Variants in WDR70 observed in about 807,000 individuals in gnomAD.
WDR70 encodes the protein WD repeat-containing protein 70.
WDR70 carries 53 observed loss-of-function variants against 88.6 expected under a neutral mutation model. That is an observed-to-expected ratio of 0.60 (90% CI 0.48 to 0.75). The LOEUF (loss-of-function observed/expected upper bound fraction) is 0.75. Among genes scored for constraint, WDR70 ranks in the 30% least tolerant of loss-of-function variants. The pLI is 0.00. For missense variants in WDR70, 610 were observed against 823.2 expected (o/e 0.74, Z 3.17); for synonymous variants, 280 against 270.0 (o/e 1.04, Z -0.36).
At chr5:37,600,526 CAAAA>C (rs552804920) in intron 9 of WDR70, among the ~76,000 whole-genome samples, 6 of 101,274 alleles carry the variant, frequency 5.9e-5, no homozygotes, top group Admixed American at 1.2e-4. Context: ...GACTCCGTCT[CAAAA>C]AAAAAAAAAA....
chr5:37,381,516 A>G (rs573253727), intron 2 of WDR70, 86 bp from the exon 3 acceptor site: 3 of 1,015,558 alleles, frequency 3.0e-6, no homozygotes, highest in African/African-American at 3.2e-5. Context: ...TAGACAAAGT[A>G]AGTGTTTATT....
intron 9 of WDR70, among the ~76,000 whole-genome samples, chr5:37,530,826 T>G (rs1741461300): frequency 6.6e-6 from 1 of 151,950 alleles, no homozygotes; most frequent in African/African-American, 2.4e-5. Flanking sequence ...TCTTCATTAT[T>G]TCTTTTCTTC....
intron 8 of WDR70, among the ~76,000 whole-genome samples, chr5:37,514,381 T>TATATATGTG (rs1158616139): frequency 7.4e-5 from 1 of 13,476 alleles, no homozygotes; most frequent in Non-Finnish European, 5.0e-4. Flanking sequence ...TGTTTATGTA[T>TATATATGTG]TTTTTTTTCC....
chr5:37,483,668 A>T (rs1047061591), intron 8 of WDR70, among the ~76,000 whole-genome samples: 2 of 151,600 alleles, frequency 1.3e-5, no homozygotes, highest in African/African-American at 4.8e-5. Flanking sequence ...CACTTCCCAG[A>T]AGGGGCGGCC....
At chr5:37,679,228 A>C (rs866654435) in intron 10 of WDR70, among the ~76,000 whole-genome samples, 1 of 152,138 alleles carries the variant, frequency 6.6e-6, no homozygotes, top group African/African-American at 2.4e-5. Flanking sequence ...TTCTTCTCTC[A>C]ACTCGTCAGT....
intron 9 of WDR70, among the ~76,000 whole-genome samples, chr5:37,597,556 A>G (rs141997703): frequency 1.3e-4 from 20 of 152,288 alleles, no homozygotes; most frequent in African/African-American, 4.8e-4. Flanking sequence ...CTTATTGTTG[A>G]ATTTTCAGAG....
intron 9 of WDR70, among the ~76,000 whole-genome samples, chr5:37,584,845 ACCACCATAATCTCTTTCCTCTGTT>A (rs1743320358): frequency 1.3e-5 from 2 of 151,554 alleles, no homozygotes. Context: ...TCCTATGCTG[ACCACCATAATCTCTTTCCTCTGTT>A]CCCAAATATC....
chr5:37,382,006 T>C (rs1748440603), intron 3 of WDR70, among the ~76,000 whole-genome samples: 1 of 73,198 alleles, frequency 1.4e-5, no homozygotes, highest in Non-Finnish European at 5.0e-5. Flanking sequence ...TGAGCTGATA[T>C]ACCCCCATTG....
intron 5 of WDR70, among the ~76,000 whole-genome samples, chr5:37,415,701 C>T (rs1252278044): frequency 2.6e-5 from 4 of 151,354 alleles, no homozygotes; most frequent in Admixed American, 6.6e-5. Context: ...GGAGGGGCTC[C>T]TCACTTCTCA....
intron 10 of WDR70, among the ~76,000 whole-genome samples, chr5:37,693,441 T>C (rs1011287640): frequency 2.6e-5 from 4 of 152,248 alleles, no homozygotes; most frequent in South Asian, 2.1e-4. Context: ...GGAGGCATCA[T>C]GCTACCTGAC....
Position 37,551,754 on chromosome 5 carries a change from T to A in WDR70, c.917+35164T>A, listed in dbSNP as rs953930412. 1.9e-3 allele frequency among the ~76,000 whole-genome samples: 289 copies of A among 148,976 alleles called. 2 individuals carry two copies. The highest frequency in any genetic ancestry group is 3.1e-3 in the Non-Finnish European group (210 of 67,564). On this transcript the variant is annotated intron_variant, in intron 9 of 17. Transcript: ENST00000265107. ...AAAAAAAAAAAAAATTATTTTTTAT[T>A]GTTTCATTGTTTAGTTTTTTTTTTT...
chr5:37,523,354 A>G (rs1423259760), intron 9 of WDR70, among the ~76,000 whole-genome samples: 2 of 152,212 alleles, frequency 1.3e-5, no homozygotes, highest in African/African-American at 4.8e-5. Context: ...TCCGCTGCTG[A>G]TACCCAGGCA....
chr5:37,441,027 G>A (rs968786666), intron 6 of WDR70, among the ~76,000 whole-genome samples: 9 of 152,170 alleles, frequency 5.9e-5, no homozygotes, highest in African/African-American at 1.7e-4. Flanking sequence ...CTTGAGGGAA[G>A]GACAGATACA....
intron 7 of WDR70, among the ~76,000 whole-genome samples, chr5:37,454,543 T>A (rs1394359114): frequency 6.6e-6 from 1 of 152,202 alleles, no homozygotes; most frequent in South Asian, 2.1e-4. Flanking sequence ...GTTTTGCGTT[T>A]CTGAGTCAAT....
chr5:37,468,057 A>G (rs12173114), intron 7 of WDR70, among the ~76,000 whole-genome samples: 129,258 of 151,224 alleles, frequency 0.85, 58,792 homozygotes, highest in East Asian at 1. Context: ...TACCATGTTA[A>G]CCAGGATGGT....
chr5:37,494,774 A>T (rs1218004631), intron 8 of WDR70, among the ~76,000 whole-genome samples: 1 of 152,232 alleles, frequency 6.6e-6, no homozygotes. Flanking sequence ...AGTCATCAGA[A>T]TTGAGTAGGC....
chr5:37,750,394 G>C (rs929010639), intron 17 of WDR70, among the ~76,000 whole-genome samples: 2 of 152,142 alleles, frequency 1.3e-5, no homozygotes, highest in Admixed American at 6.5e-5. Flanking sequence ...AAATTAATCA[G>C]ACATGGTGGT....
chr5:37,686,274 C>T (rs927920958), intron 10 of WDR70, among the ~76,000 whole-genome samples: 8 of 150,926 alleles, frequency 5.3e-5, no homozygotes, highest in Non-Finnish European at 1.2e-4. Context: ...ATGATTATGT[C>T]ACTGCACTCC....
chr5:37,488,965 A>G (rs1025897883), intron 8 of WDR70, among the ~76,000 whole-genome samples: 6 of 152,138 alleles, frequency 3.9e-5, no homozygotes, highest in Admixed American at 1.3e-4. Context: ...TTTTTCCTGT[A>G]GATGTATCTA....
Sources: gnomAD v4.1 joint callset for allele counts (sites outside exome capture counted in the v4.1 genomes callset) on GRCh38, gnomAD v4.1.1 for gene constraint, MANE v1.5 for transcripts, NCBI Gene and HGNC (gene_info 2026-07-23, HGNC 2026-07-21) for gene names.